The following DAB1 variants were observed in gnomAD, a reference collection of about 807,000 sequenced individuals.
DAB1 encodes DAB adaptor protein 1, also known as disabled homolog 1.
Under a neutral mutation model 64.6 loss-of-function variants are expected in DAB1, and 15 were observed. That is an observed-to-expected ratio of 0.23 (90% CI 0.16 to 0.36). The LOEUF is 0.36. Ranked by LOEUF, DAB1 falls within the 10% of genes least tolerant of loss-of-function variation. DAB1 has a pLI of 1.00. For missense variants in DAB1, 596 were observed against 706.7 expected (o/e 0.84, Z 1.78); for synonymous variants, 235 against 251.9 (o/e 0.93, Z 0.64).
intron 2 of DAB1, among the ~76,000 whole-genome samples, chr1:57,289,575 T>C (rs1375158441): frequency 6.6e-6 from 1 of 152,232 alleles, no homozygotes; most frequent in East Asian, 1.9e-4. Context: ...GCAAAATTTA[T>C]AGTCCTTCCT....
intron 1 of DAB1, among the ~76,000 whole-genome samples, chr1:57,315,090 T>C (rs1290039505): frequency 6.6e-6 from 1 of 152,146 alleles, no homozygotes; most frequent in Non-Finnish European, 1.5e-5. Flanking sequence ...CCCCACTTCT[T>C]CTGTCCTTTC....
At chr1:58,538,218 A>C (rs1646548322) in intron 1 of DAB1, among the ~76,000 whole-genome samples, 1 of 152,220 alleles carries the variant, frequency 6.6e-6, no homozygotes, top group African/African-American at 2.4e-5. Flanking sequence ...AAAGGGTTAA[A>C]GCACTACAAG....
intron 7 of DAB1, among the ~76,000 whole-genome samples, chr1:57,613,604 C>A (rs1321191276): frequency 6.6e-6 from 1 of 152,144 alleles, no homozygotes; most frequent in Non-Finnish European, 1.5e-5. Flanking sequence ...CCATTCCTTC[C>A]CCAGGATATT....
At chr1:57,191,739 C>T (rs947515058) in intron 2 of DAB1, among the ~76,000 whole-genome samples, 1 of 152,038 alleles carries the variant, frequency 6.6e-6, no homozygotes, top group Non-Finnish European at 1.5e-5. Flanking sequence ...TATCATATAC[C>T]ATGGTGTCTG....
chr1:58,109,864 T>C (rs1483529547), intron 5 of DAB1, among the ~76,000 whole-genome samples: 1 of 151,814 alleles, frequency 6.6e-6, no homozygotes, highest in Non-Finnish European at 1.5e-5. Flanking sequence ...TATTTTTTGA[T>C]CTGCCCACCA....
chr1:57,785,958 C>T (rs1424845173), intron 6 of DAB1, among the ~76,000 whole-genome samples: 2 of 152,070 alleles, frequency 1.3e-5, no homozygotes, highest in African/African-American at 4.8e-5. Context: ...ATGCAGCAAA[C>T]TTCATTGTTG....
chr1:57,735,079 G>T (rs1647619027), intron 6 of DAB1, among the ~76,000 whole-genome samples: 1 of 152,168 alleles, frequency 6.6e-6, no homozygotes, highest in Non-Finnish European at 1.5e-5. Context: ...TCATGGTTTT[G>T]ATTGAGGAAA....
chr1:57,450,076 C>A (rs1686294094), intron 7 of DAB1, among the ~76,000 whole-genome samples: 1 of 152,156 alleles, frequency 6.6e-6, no homozygotes, highest in Admixed American at 6.5e-5. Flanking sequence ...AGAAAACATC[C>A]CTTATCCAAA....
intron 7 of DAB1, among the ~76,000 whole-genome samples, chr1:57,549,114 C>G (rs1351705244): frequency 6.6e-6 from 1 of 152,108 alleles, no homozygotes; most frequent in Non-Finnish European, 1.5e-5. Flanking sequence ...GGTTAAAAGT[C>G]TCAATTTTGT....
intron 7 of DAB1, among the ~76,000 whole-genome samples, chr1:57,565,243 A>G (rs1056303025): frequency 6.6e-6 from 1 of 152,220 alleles, no homozygotes; most frequent in East Asian, 1.9e-4. Flanking sequence ...TGTCATCACC[A>G]GGCCTGTCCT....
At chr1:58,088,405 T>G (rs1282537781) in intron 5 of DAB1, among the ~76,000 whole-genome samples, 1 of 152,236 alleles carries the variant, frequency 6.6e-6, no homozygotes, top group Non-Finnish European at 1.5e-5. Context: ...TGTGGCCATT[T>G]GCCCATCTAT....
intron 1 of DAB1, among the ~76,000 whole-genome samples, chr1:57,310,988 C>A (rs951302293): frequency 1.3e-5 from 2 of 151,154 alleles, no homozygotes; most frequent in African/African-American, 4.9e-5. Flanking sequence ...AGAGCAAGAG[C>A]CCATCTCTAA....
intron 1 of DAB1, among the ~76,000 whole-genome samples, chr1:57,421,627 G>C (rs2101089396): frequency 6.6e-6 from 1 of 152,152 alleles, no homozygotes; most frequent in South Asian, 2.1e-4. Flanking sequence ...ACTGCATTTT[G>C]AACTTCCTAA....
intron 1 of DAB1, among the ~76,000 whole-genome samples, chr1:57,355,278 T>C (rs557005558): frequency 6.6e-6 from 1 of 150,422 alleles, no homozygotes; most frequent in Non-Finnish European, 1.5e-5. Context: ...CTGGCATACA[T>C]TTTTTTTTCC....
chr1:58,456,432 G>T (rs945972888), intron 3 of DAB1, among the ~76,000 whole-genome samples: 1 of 152,302 alleles, frequency 6.6e-6, no homozygotes, highest in South Asian at 2.1e-4. Context: ...TGTAAGGAAA[G>T]AACTCAGAAA....
chr1:57,906,696 T>C (rs897386138), intron 5 of DAB1, among the ~76,000 whole-genome samples: 1 of 152,118 alleles, frequency 6.6e-6, no homozygotes, highest in Non-Finnish European at 1.5e-5. Context: ...TAAGTGAAGA[T>C]GAGGGAAGAG....
intron 3 of DAB1, among the ~76,000 whole-genome samples, chr1:58,441,740 C>T (rs1297032724): frequency 2.0e-5 from 3 of 152,146 alleles, no homozygotes; most frequent in Admixed American, 1.3e-4. Flanking sequence ...CTGGCTTGAC[C>T]GTCTCCACCC....
chr1:57,738,967 G>T (rs1013777036), intron 6 of DAB1, among the ~76,000 whole-genome samples: 1 of 152,190 alleles, frequency 6.6e-6, no homozygotes, highest in African/African-American at 2.4e-5. Context: ...ACAGGTAAAT[G>T]GTAGAGGCAG....
intron 3 of DAB1, among the ~76,000 whole-genome samples, chr1:57,141,447 TC>T (rs1658582345): frequency 1.3e-5 from 2 of 152,138 alleles, no homozygotes; most frequent in Non-Finnish European, 2.9e-5. Flanking sequence ...AGGGAGACTT[TC>T]TTATCAATTC....
Sources: gnomAD v4.1 joint callset for allele counts (sites outside exome capture counted in the v4.1 genomes callset) on GRCh38, gnomAD v4.1.1 for gene constraint, MANE v1.5 for transcripts, NCBI Gene and HGNC (gene_info 2026-07-23, HGNC 2026-07-21) for gene names.